DCLK3: variants seen among roughly 807,000 people sequenced by gnomAD.
DCLK3 encodes serine/threonine-protein kinase DCLK3.
A neutral mutation model predicts 46.4 loss-of-function variants in DCLK3; 30 were observed. That is an observed-to-expected ratio of 0.65 (90% CI 0.48 to 0.88). The LOEUF is 0.88. Ranked by LOEUF, DCLK3 falls within the 40% of genes least tolerant of loss-of-function variation. The probability of loss-of-function intolerance (pLI) is 0.00; values close to 1 mark genes in which losing one functional copy is unlikely to be tolerated. For synonymous variants in DCLK3, 401 were observed against 339.2 expected (o/e 1.18, Z -2.00); for missense variants, 846 against 907.1 (o/e 0.93, Z 0.87).
rs1186672056 is a variant in DCLK3 at position 36,764,158 on chromosome 3, G to T, written c.82+24C>A. The T allele has an allele frequency of 1.2e-5, 4 of 328,780 alleles. No individual in the cohort carries two copies. Among genetic ancestry groups the T allele is most frequent in the East Asian group, 4.5e-5 (1 of 22,446 alleles). 20.4% of individuals were successfully genotyped at this position (328,780 alleles called of 1,614,324 possible). On this transcript the variant is annotated intron_variant, in intron 1 of 4. Transcript: ENST00000636136. The surrounding 1 kb of genome is among the most constrained non-coding windows in gnomAD (Gnocchi z 4.9). The stretch of plus-strand genomic sequence containing the variant: ...GCCAAGGTGGCGCCCAGAACGGGTC[G>T]GTGCCGGAGCGCACGGTACTCACCC...
intron 3 of DCLK3, among the ~76,000 whole-genome samples, chr3:36,720,568 G>C (rs772252658): frequency 6.9e-6 from 1 of 144,478 alleles, no homozygotes; most frequent in Non-Finnish European, 1.5e-5. Flanking sequence ...GCAATGGCAC[G>C]ATCTTGGCTC....
intron 2 of DCLK3, among the ~76,000 whole-genome samples, chr3:36,723,793 G>C (rs543914714): frequency 1.3e-5 from 2 of 152,344 alleles, no homozygotes; most frequent in African/African-American, 4.8e-5. Context: ...GTTTGCTGCA[G>C]GGGAGGGGTT....
Position 36,737,604 on chromosome 3 carries a change from C to T in DCLK3, c.1563G>A (p.Val521=), listed in dbSNP as rs753227486. 11 of 1,614,184 alleles carry T rather than the reference C, an allele frequency of 6.8e-6. No individual in the cohort carries two copies. The Admixed American group carries it at 1.0e-4, about 15-fold the overall frequency. The change falls in exon 2 of 5, where the codon GTG becomes GTA. Residue 521 remains valine (V), a synonymous_variant. Transcript: ENST00000636136. The surrounding 1 kb of genome is among the most constrained non-coding windows in gnomAD (Gnocchi z 4.4). ...CCCGGCCAGTCTCATAATGCTTTTC[C>T]ACATTGGCGGCAATGATGCCCATGG... The part of the protein sequence containing the change: ...PRPMGIIAAN[V]EKHYETGRVI...
intron 3 of DCLK3, 37 bp from the exon 4 acceptor site, chr3:36,718,214 G>A: frequency 6.2e-7 from 1 of 1,612,372 alleles, no homozygotes; most frequent in Non-Finnish European, 8.5e-7. Flanking sequence ...GCAAACCTGA[G>A]ACCAGGCAGG....
At chr3:36,728,480 G>A (rs1701151862) in intron 2 of DCLK3, among the ~76,000 whole-genome samples, 3 of 152,138 alleles carry the variant, frequency 2.0e-5, no homozygotes, top group Admixed American at 2.0e-4. Context: ...GCCGGCTGGG[G>A]GCTTGGATAG....
At chr3:36,757,495 AGT>A (rs1701496532) in intron 1 of DCLK3, among the ~76,000 whole-genome samples, 1 of 152,160 alleles carries the variant, frequency 6.6e-6, no homozygotes, top group South Asian at 2.1e-4. Context: ...ACAAAAAAAA[AGT>A]ATGTGCTTAA....
chr3:36,722,038 T>C lies in DCLK3; in HGVS notation c.1960-379A>G, dbSNP rs570127115. ...GAAACACAGATAGACACACTTCCAT[T>C]GTTGCAGAAAGGGCTATTAGACAGC... On this transcript the variant is annotated intron_variant, in intron 2 of 4. Transcript: ENST00000636136. Among the ~76,000 whole-genome samples the C allele has an allele frequency of 3.3e-5, 5 of 152,270 alleles. No individual in the cohort carries two copies. In the South Asian group the frequency reaches 8.3e-4, roughly 25 times the overall value.
rs1178994021 is a variant in DCLK3, at chr3:36,753,640, G to A, written c.82+10542C>T. On this transcript the variant is annotated intron_variant, in intron 1 of 4. Transcript: ENST00000636136. ...TCCTGAGAACACAGGAATTCCAGAG[G>A]TCTTTCAGTTGATTCTCAGATGCTT... Among the ~76,000 whole-genome samples the A allele has an allele frequency of 2.0e-5, 3 of 152,126 alleles. 1 individual carries two copies.
At chr3:36,763,581 A>T (rs1470822986) in intron 1 of DCLK3, among the ~76,000 whole-genome samples, 1 of 152,122 alleles carries the variant, frequency 6.6e-6, no homozygotes, top group Non-Finnish European at 1.5e-5. Context: ...TTTAGTTCTA[A>T]GGAGGGTTTC....
At chr3:36,754,680 A>G (rs1390259075) in intron 1 of DCLK3, among the ~76,000 whole-genome samples, 1 of 152,218 alleles carries the variant, frequency 6.6e-6, no homozygotes, top group Non-Finnish European at 1.5e-5. Context: ...ATTTGTTTTC[A>G]TGGCTCCTGT....
chr3:36,739,196 G>A (rs1559391959), intron 1 of DCLK3, 112 bp from the exon 2 acceptor site: 5 of 396,810 alleles, frequency 1.3e-5, no homozygotes, highest in Non-Finnish European at 8.9e-6. Flanking sequence ...GTTTATAAGT[G>A]TGGTTCCTGA....
At chr3:36,715,966 A>G (rs1481137159) in intron 4 of DCLK3, among the ~76,000 whole-genome samples, 1 of 152,346 alleles carries the variant, frequency 6.6e-6, no homozygotes, top group East Asian at 1.9e-4. Flanking sequence ...ACATACTTTA[A>G]GGTTTCAAAT....
At position 36,718,437 on chromosome 3, in the gene DCLK3, C is replaced by T. The variant is rs144369051; in HGVS notation, c.2093-260G>A. Among the ~76,000 whole-genome samples, 248 of 152,254 alleles carry T rather than the reference C, an allele frequency of 1.6e-3. 1 individual carries two copies. The highest frequency in any genetic ancestry group is 5.6e-3 in the African/African-American group (232 of 41,536). On this transcript the variant is annotated intron_variant, in intron 3 of 4. Coordinates refer to ENST00000636136, the MANE Select transcript of DCLK3 (RefSeq NM_001394672.2). ...TATTACTGGTCTGTAATAGAATGAGCAGAGAAATTGAAAGCAAGTGTTTGG... is the reference window on the plus strand; with the variant it reads ...TATTACTGGTCTGTAATAGAATGAGTAGAGAAATTGAAAGCAAGTGTTTGG...
intron 1 of DCLK3, among the ~76,000 whole-genome samples, chr3:36,758,169 G>A (rs1183326762): frequency 6.6e-6 from 1 of 152,178 alleles, no homozygotes; most frequent in Non-Finnish European, 1.5e-5. Context: ...CCTATCTTAG[G>A]AGGGTCCATG....
Position 36,764,316 on chromosome 3 carries a change from C to G in DCLK3, c.-53G>C. The G allele has an allele frequency of 4.6e-6, 1 of 215,882 alleles. No homozygotes were observed. The allele number at this position is 215,882 out of a possible 1,614,324, so 13.4% of individuals were successfully genotyped here. On this transcript the variant is annotated 5_prime_UTR_variant, in exon 1 of 5. Transcript: ENST00000636136. This position sits in a 1 kb window ranked among gnomAD's most constrained non-coding sequence, Gnocchi z 4.9. Reference sequence around the variant, plus strand: ...TGGAGCAGAGGTGGCAGCGCGGGGACGCGGCTCGACGGTCGAGCAGGCGCG... The same window carrying G: ...TGGAGCAGAGGTGGCAGCGCGGGGAGGCGGCTCGACGGTCGAGCAGGCGCG...
At chr3:36,731,891 T>C (rs925636976) in intron 2 of DCLK3, among the ~76,000 whole-genome samples, 4 of 152,194 alleles carry the variant, frequency 2.6e-5, no homozygotes, top group Non-Finnish European at 4.4e-5. Flanking sequence ...ATTAGACAAC[T>C]AGACCTGAGA....
At chr3:36,756,222 T>G (rs2125538473) in intron 1 of DCLK3, among the ~76,000 whole-genome samples, 1 of 152,190 alleles carries the variant, frequency 6.6e-6, no homozygotes, top group South Asian at 2.1e-4. Flanking sequence ...AGAGATTGAG[T>G]AGAACATGCC....
At chr3:36,725,992 A>T (rs1575136979) in intron 2 of DCLK3, among the ~76,000 whole-genome samples, 1 of 152,316 alleles carries the variant, frequency 6.6e-6, no homozygotes, top group South Asian at 2.1e-4. Context: ...AAGGGATTTG[A>T]TACAAGATTA....
At chr3:36,750,115 C>CG (rs1701426409) in intron 1 of DCLK3, among the ~76,000 whole-genome samples, 2 of 152,260 alleles carry the variant, frequency 1.3e-5, no homozygotes, top group South Asian at 4.2e-4. Flanking sequence ...GAGTCTTGAT[C>CG]TGTCACTCAG....
Sources: gnomAD v4.1 joint callset for allele counts (sites outside exome capture counted in the v4.1 genomes callset) on GRCh38, gnomAD v4.1.1 for gene constraint, Gnocchi (gnomAD v3.1) non-coding constraint, MANE v1.5 for transcripts, NCBI Gene and HGNC (gene_info 2026-07-23, HGNC 2026-07-21) for gene names.